The following RADX variants were observed in gnomAD, a reference collection of about 807,000 sequenced individuals.
RADX encodes the protein RPA1 related single stranded DNA binding protein, X-linked.
In RADX, 36 loss-of-function variants were observed where a neutral mutation model predicts 61.6. The observed-to-expected ratio is 0.58, with a 90% CI of 0.45 to 0.77. The LOEUF is 0.77. RADX is among the 30% of genes least tolerant of loss of function. The pLI is 0.00. For synonymous variants in RADX, 272 were observed against 237.9 expected (o/e 1.14, Z -1.32); for missense variants, 497 against 651.1 (o/e 0.76, Z 2.58).
intron 3 of RADX, among the ~76,000 whole-genome samples, chrX:106,626,515 AAC>A (rs201608991): frequency 0.034 from 3,764 of 111,846 alleles, 87 homozygotes; most frequent in Non-Finnish European, 0.058. Context: ...TTACTAAGAA[AAC>A]ACAGTAAAAG....
intron 13 of RADX, among the ~76,000 whole-genome samples, chrX:106,672,766 G>A (rs1438741522): frequency 8.9e-6 from 1 of 112,021 alleles, no homozygotes; most frequent in Non-Finnish European, 1.9e-5. Flanking sequence ...CCATCCAGGA[G>A]CCAGTGACTA....
At chrX:106,647,198 T>C (rs866219666) in intron 10 of RADX, among the ~76,000 whole-genome samples, 4 of 111,222 alleles carry the variant, frequency 3.6e-5, no homozygotes, top group African/African-American at 1.3e-4. Flanking sequence ...ATGTGTTCAG[T>C]TGTTTTAATT....
In RADX at chrX:106,678,365, G is replaced by A. The variant is rs1253762424; in HGVS notation, c.*107G>A. 4 of 536,831 alleles carry A rather than the reference G, an allele frequency of 7.5e-6. No homozygotes were observed. Among genetic ancestry groups the A allele is most frequent in the Non-Finnish European group, 1.2e-5 (4 of 346,082 alleles). 44.2% of individuals were successfully genotyped at this position (536,831 alleles called of 1,213,427 possible). On this transcript the variant is annotated 3_prime_UTR_variant, in exon 14 of 14. Coordinates refer to ENST00000372548, the MANE Select transcript of RADX (RefSeq NM_018015.6). ...ACTGTTTTCAGCAAGAATATTACATGAGCTCTAAAGTTATTAAGCAGTTTT... is the reference window on the plus strand; with the variant it reads ...ACTGTTTTCAGCAAGAATATTACATAAGCTCTAAAGTTATTAAGCAGTTTT...
intron 10 of RADX, among the ~76,000 whole-genome samples, chrX:106,644,594 T>C (rs1000376226): frequency 8.1e-5 from 9 of 111,466 alleles, no homozygotes; most frequent in Middle Eastern, 4.6e-3. Flanking sequence ...TGTTGAACCA[T>C]CTTGGCATCC....
Position 106,639,579 on chromosome X carries a change from G to A in RADX, c.1626G>A (p.Leu542=). The A allele has an allele frequency of 5.0e-6, 6 of 1,202,871 alleles. No individual in the cohort carries two copies. Among genetic ancestry groups the A allele is most frequent in the Non-Finnish European group, 6.7e-6 (6 of 890,639 alleles). ...AAGTCAGGAAGGAGATTGAAGACTT[G>A]CAGTATAGGGAACAAAAGCGCATTG... ...ISEVRKEIED[L]QYREQKRIAI... Residue 542 remains leucine, a synonymous_variant, in exon 9 of 14, where the codon TTG becomes TTA. Coordinates refer to ENST00000372548, the MANE Select transcript of RADX (RefSeq NM_018015.6).
Position 106,612,049 on chromosome X carries a change from T to C in RADX, c.-32T>C, listed in dbSNP as rs370792354. 5 of 1,177,483 alleles carry C rather than the reference T, an allele frequency of 4.2e-6. No homozygotes were observed. The African/African-American group carries it at 8.8e-5, about 21-fold the overall frequency. Reference sequence around the variant, plus strand: ...GCTTTGGACGGGGCAAACTAGCTTTTGGGAGTGAAGCGGGTACGCAGTTAT... The same window carrying C: ...GCTTTGGACGGGGCAAACTAGCTTTCGGGAGTGAAGCGGGTACGCAGTTAT... On this transcript the variant is annotated 5_prime_UTR_variant, in exon 1 of 14. Coordinates refer to ENST00000372548, the MANE Select transcript of RADX (RefSeq NM_018015.6).
chrX:106,652,229 C>T (rs1927810337), intron 11 of RADX, among the ~76,000 whole-genome samples: 1 of 111,187 alleles, frequency 9.0e-6, no homozygotes, highest in African/African-American at 3.3e-5. Context: ...AGGAGGATCA[C>T]TTGAGCCCAG....
intron 13 of RADX, among the ~76,000 whole-genome samples, chrX:106,672,677 C>T (rs762981505): frequency 9.0e-6 from 1 of 111,714 alleles, no homozygotes; most frequent in East Asian, 2.8e-4. Context: ...TATAGTCAGG[C>T]GGTGGCAAAG....
chrX:106,638,124 G>A, intron 8 of RADX, 200 bp downstream of exon 8: 3 of 369,266 alleles, frequency 8.1e-6, no homozygotes, highest in East Asian at 8.9e-5. Context: ...CCTATATCTC[G>A]CATGGTGCTC....
chrX:106,633,543 A>G (rs1384674913), intron 6 of RADX, among the ~76,000 whole-genome samples: 1 of 111,820 alleles, frequency 8.9e-6, no homozygotes, highest in African/African-American at 3.2e-5. Flanking sequence ...TTAAATTTCA[A>G]TAAGACTAAA....
intron 6 of RADX, among the ~76,000 whole-genome samples, chrX:106,633,746 C>G (rs929418559): frequency 6.3e-5 from 7 of 111,635 alleles, no homozygotes; most frequent in Admixed American, 4.8e-4. Flanking sequence ...TTTATACCGG[C>G]TGGTCAATAT....
chrX:106,639,315 A>G, intron 8 of RADX: 1 of 333,813 alleles, frequency 3.0e-6, no homozygotes, highest in Non-Finnish European at 5.1e-6. Context: ...AATGAGGGGT[A>G]CAGAGTGGAA....
chrX:106,672,462 T>C (rs113496793), intron 13 of RADX, among the ~76,000 whole-genome samples: 11,977 of 110,102 alleles, frequency 0.11, 1,639 homozygotes, highest in African/African-American at 0.38. Flanking sequence ...TCTTCCCTTA[T>C]TTTCTCCCAA....
chrX:106,672,398 T>A (rs776339263), intron 13 of RADX, among the ~76,000 whole-genome samples: 2 of 111,480 alleles, frequency 1.8e-5, no homozygotes, highest in Admixed American at 1.9e-4. Context: ...TGAGTGATGG[T>A]CTTGGACAAG....
chrX:106,676,399 A>C (rs1488942615), intron 13 of RADX, among the ~76,000 whole-genome samples: 1 of 111,899 alleles, frequency 8.9e-6, no homozygotes, highest in Non-Finnish European at 1.9e-5. Flanking sequence ...AGTGCCCCCA[A>C]ATAGTATACC....
At chrX:106,640,830 C>A in intron 10 of RADX, 109 bp downstream of exon 10, 1 of 526,200 alleles carries the variant, frequency 1.9e-6, no homozygotes, top group East Asian at 4.0e-5. Context: ...GTTAGGGCCC[C>A]CATAACAAAA....
At chrX:106,651,221 T>TA (rs750900399) in intron 11 of RADX, among the ~76,000 whole-genome samples, 66 of 109,707 alleles carry the variant, frequency 6.0e-4, no homozygotes, top group Admixed American at 1.4e-3. Flanking sequence ...CTACCAGAGA[T>TA]AAAAAAAAGA....
chrX:106,659,000 A>C (rs375073552), intron 11 of RADX, among the ~76,000 whole-genome samples: 1 of 108,182 alleles, frequency 9.2e-6, no homozygotes, highest in East Asian at 2.9e-4. Flanking sequence ...TTGCTATGTC[A>C]TCCAGGCAGG....
Position 106,662,096 on chromosome X carries a change from A to T in RADX, c.2060A>T (p.Glu687Val), listed in dbSNP as rs766494208. ...SDRWESQLWR[E>V]KKFGLIDHLH... Reference sequence around the variant, plus strand: ...AGGTGGGAGAGTCAGCTGTGGAGAGAGAAAAAGTTTGGCTTAATAGATCAC... The same window carrying T: ...AGGTGGGAGAGTCAGCTGTGGAGAGTGAAAAAGTTTGGCTTAATAGATCAC... The change falls in exon 12 of 14, where the codon GAG becomes GTG. Residue 687 changes from glutamate to valine, a missense_variant. Around this residue, in one of 3 missense-constraint regions of RADX, gnomAD observed 267 missense variants for 306.9 expected, o/e 0.87. Coordinates refer to ENST00000372548, the MANE Select transcript of RADX (RefSeq NM_018015.6). 8.3e-7 allele frequency: 1 copy of T among 1,210,421 alleles called. No homozygotes were observed. Among genetic ancestry groups the T allele is most frequent in the Non-Finnish European group, 1.1e-6 (1 of 894,567 alleles).
Sources: allele counts gnomAD v4.1 joint callset (sites outside exome capture counted in the v4.1 genomes callset), GRCh38; gene constraint gnomAD v4.1.1; regional missense constraint gnomAD v4.1.1; transcripts MANE v1.5; gene names NCBI Gene and HGNC (gene_info 2026-07-23, HGNC 2026-07-21).